GLMP: variants seen among roughly 807,000 people sequenced by gnomAD.
The protein encoded by GLMP is glycosylated lysosomal membrane protein, also known as kidney lysosomal membrane protein.
Under a neutral mutation model 39.2 loss-of-function variants are expected in GLMP, and 36 were observed. The ratio of observed to expected loss-of-function variants is 0.92; its 90% CI spans 0.70 to 1.21. GLMP has a LOEUF of 1.21. Among genes scored for constraint, GLMP ranks in the 50% most tolerant of loss-of-function variants. The pLI is 0.00. For synonymous variants in GLMP, 220 were observed against 218.9 expected (o/e 1.01, Z -0.04); for missense variants, 454 against 505.6 (o/e 0.90, Z 0.98).
Position 156,295,025 on chromosome 1 carries a change from T to TG in GLMP, c.121-10dup. 1 of 1,528,616 alleles carries TG rather than the reference T, an allele frequency of 6.5e-7. No homozygotes were observed. Among genetic ancestry groups the TG allele is most frequent in the Non-Finnish European group, 8.9e-7 (1 of 1,128,808 alleles). 94.7% of individuals were successfully genotyped at this position (1,528,616 alleles called of 1,614,324 possible). On this transcript the variant is annotated splice_polypyrimidine_tract_variant and intron_variant, in intron 1 of 5. Transcript: ENST00000362007. ...ATGACCTCCAGAGACACCTGGAACA[T>TG]GGAGTAGTGGAGGGTTGAGGGAACA...
chr1:156,292,783 A>C lies in GLMP; in HGVS notation c.*261T>G. Reference sequence around the variant, plus strand: ...AGGCCTGCAAGTCCCATCCAAGGGAAATGTGTGGAGATGCAAGAAGGCAAC... The same window carrying C: ...AGGCCTGCAAGTCCCATCCAAGGGACATGTGTGGAGATGCAAGAAGGCAAC... On this transcript the variant is annotated 3_prime_UTR_variant, in exon 6 of 6. Coordinates refer to ENST00000362007, the MANE Select transcript of GLMP (RefSeq NM_144580.3). 1 of 454,876 alleles carries C rather than the reference A, an allele frequency of 2.2e-6. No individual in the cohort carries two copies. 28.2% of individuals were successfully genotyped at this position (454,876 alleles called of 1,614,324 possible). A position where few individuals can be genotyped will look rare whatever the true frequency, so the allele number is the denominator to read the frequency against.
At chr1:156,295,501 A>T in intron 1 of GLMP, 25 bp downstream of exon 1, 9 of 1,471,622 alleles carry the variant, frequency 6.1e-6, no homozygotes, top group Non-Finnish European at 8.1e-6. Flanking sequence ...TGAAACTTCT[A>T]TCGCTGTAGC....
rs1272592905 is a variant in GLMP, at chr1:156,294,842, G to A, written c.295C>T (p.Leu99=). ...CCCCCATCGGGCTCAGGGGATAGCA[G>A]GAGGCTCCAGTTGACGCTCAGGGTG... ...HSTLSVNWSL[L]LSPEPDGGLM... Residue 99 remains leucine, a synonymous_variant, in exon 2 of 6, where the codon CTG becomes TTG. Coordinates refer to ENST00000362007, the MANE Select transcript of GLMP (RefSeq NM_144580.3). The A allele has an allele frequency of 2.5e-6, 4 of 1,606,744 alleles. No homozygotes were observed. The highest frequency in any genetic ancestry group is 3.4e-6 in the Non-Finnish European group (4 of 1,176,378).
rs1190296584 is a variant in GLMP at position 156,294,101 on chromosome 1, C to G, written c.715G>C (p.Ala239Pro). 1.2e-5 allele frequency: 20 copies of G among 1,614,182 alleles called. No homozygotes were observed. Among genetic ancestry groups the G allele is most frequent in the Non-Finnish European group, 1.6e-5 (19 of 1,180,040 alleles). The part of the protein sequence containing the change: ...GNRSLFGLEV[A>P]TLGQGPDCPS... Reference sequence around the variant, plus strand: ...CAGTCAGGGCCCTGGCCCAATGTGGCTACCTCCAGCCCAAACAGGGAACGG... The same window carrying G: ...CAGTCAGGGCCCTGGCCCAATGTGGGTACCTCCAGCCCAAACAGGGAACGG... Residue 239 changes from alanine to proline, a missense_variant, in exon 4 of 6, where the codon GCC becomes CCC. Physicochemically the swap from Ala to Pro is conservative, Grantham distance 27. Transcript: ENST00000362007.
chr1:156,293,923 G>T (rs1663478355), intron 4 of GLMP, 95 bp downstream of exon 4: 1 of 1,434,722 alleles, frequency 7.0e-7, no homozygotes, highest in Non-Finnish European at 9.8e-7. Flanking sequence ...CCCAAAGAAA[G>T]TGTTGCTAAA....
rs776066820 is a variant in GLMP, at chr1:156,293,216, C to G, written c.1056-7G>C. On this transcript the variant is annotated splice_region_variant and splice_polypyrimidine_tract_variant and intron_variant, in intron 5 of 5. Transcript: ENST00000362007. Reference sequence around the variant, plus strand: ...CACACCCAGGAGCATCGACCTAGAGCAAGCAGAGAGAGAGAGGTAAGCGGG... The same window carrying G: ...CACACCCAGGAGCATCGACCTAGAGGAAGCAGAGAGAGAGAGGTAAGCGGG... 1 of 1,612,150 alleles carries G rather than the reference C, an allele frequency of 6.2e-7. No homozygotes were observed.
At chr1:156,293,620 G>A in intron 4 of GLMP, 44 bp from the exon 5 acceptor site, 2 of 1,611,424 alleles carry the variant, frequency 1.2e-6, no homozygotes, top group Non-Finnish European at 1.7e-6. Context: ...GGACCAACCT[G>A]TGCCCGACCC....
rs1663578414 is a variant in GLMP at position 156,295,623 on chromosome 1, G to A, written c.23C>T (p.Thr8Ile). Residue 8 changes from threonine to isoleucine, a missense_variant, in exon 1 of 6, where the codon ACC (threonine) becomes ATC (isoleucine). Transcript: ENST00000362007. MRGSVEC[T>I]WGWGHCAPSP... Reference sequence around the variant, plus strand: ...GGGGGCACAGTGCCCCCAACCCCAGGTGCACTCCACAGAGCCGCGCATACG... The same window carrying A: ...GGGGGCACAGTGCCCCCAACCCCAGATGCACTCCACAGAGCCGCGCATACG... The A allele has an allele frequency of 6.4e-7, 1 of 1,553,940 alleles. No homozygotes were observed.
chr1:156,294,714 C>G (rs1663532098), intron 2 of GLMP, 45 bp downstream of exon 2: 1 of 1,554,728 alleles, frequency 6.4e-7, no homozygotes, highest in Non-Finnish European at 8.7e-7. Context: ...GGGATGAACT[C>G]TCTCCTCTGC....
intron 4 of GLMP, 59 bp from the exon 5 acceptor site, chr1:156,293,635 T>C: frequency 6.2e-7 from 1 of 1,604,212 alleles, no homozygotes; most frequent in Non-Finnish European, 8.5e-7. Context: ...CGACCCTCTT[T>C]TCCTTGCCAC....
rs781196734 is a variant in GLMP, at chr1:156,292,980, C to A, written c.*64G>T. On this transcript the variant is annotated 3_prime_UTR_variant, in exon 6 of 6. Coordinates refer to ENST00000362007, the MANE Select transcript of GLMP (RefSeq NM_144580.3). ...GGCCGGCTGGAACTTGATGCTCCAA[C>A]CTCCAGAGTTTCGAGGCACAGCAAG... 5 of 1,558,310 alleles carry A rather than the reference C, an allele frequency of 3.2e-6. No homozygotes were observed. Among genetic ancestry groups the A allele is most frequent in the Non-Finnish European group, 4.4e-6 (5 of 1,147,216 alleles).
chr1:156,293,266 C>T (rs1175648905), intron 5 of GLMP, 54 bp downstream of exon 5: 14 of 1,610,946 alleles, frequency 8.7e-6, no homozygotes. Flanking sequence ...CTGGGAGGCT[C>T]AGCCTTTGTC....
intron 3 of GLMP, 23 bp from the exon 4 acceptor site, chr1:156,294,259 G>C: frequency 6.2e-7 from 1 of 1,610,256 alleles, no homozygotes; most frequent in Non-Finnish European, 8.5e-7. Flanking sequence ...AAGCATGGGA[G>C]GTGTGGGAAA....
chr1:156,293,502 C>A lies in GLMP; in HGVS notation c.873G>T (p.Pro291=), dbSNP rs144757073. The A allele has an allele frequency of 2.7e-4, 430 of 1,614,068 alleles. No homozygotes were observed. Among genetic ancestry groups the A allele is most frequent in the Non-Finnish European group, 3.5e-4 (409 of 1,180,038 alleles). The part of the protein sequence containing the change: ...QWRPVAYSQK[P]GGRESALPCQ... ...AGGGCAGGGCTGATTCTCGGCCCCC[C>A]GGCTTCTGGGAGTAAGCCACTGGTC... Residue 291 remains proline, a synonymous_variant, in exon 5 of 6, where the codon CCG becomes CCT. Transcript: ENST00000362007.
In GLMP at chr1:156,292,984, C is replaced by T; in HGVS notation, c.*60G>A. ...GGCTGGAACTTGATGCTCCAACCTC[C>T]AGAGTTTCGAGGCACAGCAAGACAG... On this transcript the variant is annotated 3_prime_UTR_variant, in exon 6 of 6. Transcript: ENST00000362007. 6.4e-7 allele frequency: 1 copy of T among 1,567,164 alleles called. No homozygotes were observed. The highest frequency in any genetic ancestry group is 8.7e-7 in the Non-Finnish European group (1 of 1,152,272).
chr1:156,293,299 G>A (rs746018092), intron 5 of GLMP, 21 bp downstream of exon 5: 43 of 1,613,610 alleles, frequency 2.7e-5, no homozygotes, highest in South Asian at 3.3e-5. Context: ...CCAAGTCCCC[G>A]GCCCAAACCC....
At chr1:156,295,494 A>C in intron 1 of GLMP, 32 bp downstream of exon 1, 1 of 1,465,066 alleles carries the variant, frequency 6.8e-7, no homozygotes, top group Non-Finnish European at 9.0e-7. Flanking sequence ...CGTTTCCTGA[A>C]ACTTCTATCG....
chr1:156,293,965 A>C, intron 4 of GLMP, 53 bp downstream of exon 4: 1 of 1,584,054 alleles, frequency 6.3e-7, no homozygotes, highest in Non-Finnish European at 8.7e-7. Context: ...TTAGGTCCCA[A>C]TGGTGTCCCA....
At chr1:156,293,736 G>A (rs770938819) in intron 4 of GLMP, 160 bp from the exon 5 acceptor site, 2 of 1,546,750 alleles carry the variant, frequency 1.3e-6, no homozygotes, top group South Asian at 1.2e-5. Flanking sequence ...GTTCGACTGG[G>A]TGAGGACTGA....
Sources: allele counts gnomAD v4.1 joint callset, GRCh38; gene constraint gnomAD v4.1.1; transcripts MANE v1.5; gene names NCBI Gene and HGNC (gene_info 2026-07-23, HGNC 2026-07-21).